Variants in NUDT6 observed in about 807,000 individuals in gnomAD.
The protein encoded by NUDT6 is FAD diphosphatase NUDT6.
In NUDT6, 24 loss-of-function variants were observed where a neutral mutation model predicts 36.8. That is an observed-to-expected ratio of 0.65 (90% CI 0.47 to 0.92). NUDT6 has a LOEUF of 0.92. Among genes scored for constraint, NUDT6 ranks in the 40% least tolerant of loss-of-function variants. NUDT6 has a pLI of 0.00. For missense variants in NUDT6, 388 were observed against 392.8 expected (o/e 0.99, Z 0.10); for synonymous variants, 163 against 157.0 (o/e 1.04, Z -0.29).
At chr4:122,908,108 A>C (rs538358642) in intron 3 of NUDT6, among the ~76,000 whole-genome samples, 36 of 108,116 alleles carry the variant, frequency 3.3e-4, no homozygotes, top group South Asian at 5.0e-4. Flanking sequence ...AGGGGACCCC[A>C]AAAAAATCTT....
chr4:122,918,928 T>C (rs566229390), intron 1 of NUDT6: 2 of 152,362 alleles, frequency 1.3e-5, no homozygotes, highest in South Asian at 2.1e-4. Flanking sequence ...TTTAACATTA[T>C]AGAACATTTC....
At chr4:122,899,217 A>T (rs995625173) in intron 3 of NUDT6, among the ~76,000 whole-genome samples, 2 of 151,560 alleles carry the variant, frequency 1.3e-5, no homozygotes, top group Admixed American at 6.6e-5. Flanking sequence ...GTTATAATGG[A>T]GCAGACCAAT....
At chr4:122,906,753 A>C (rs62323467) in intron 3 of NUDT6, among the ~76,000 whole-genome samples, 24,283 of 152,164 alleles carry the variant, frequency 0.16, 2,436 homozygotes, top group East Asian at 0.45. Flanking sequence ...AGGAGGCCAC[A>C]CAAGACACAG....
intron 2 of NUDT6, among the ~76,000 whole-genome samples, chr4:122,915,459 G>T (rs1430748855): frequency 9.9e-6 from 1 of 100,706 alleles, no homozygotes; most frequent in African/African-American, 4.6e-5. Context: ...GACAAAGTGA[G>T]ACCCTGCCTC....
At chr4:122,916,390 C>T (rs12500055) in intron 2 of NUDT6, among the ~76,000 whole-genome samples, 1 of 151,860 alleles carries the variant, frequency 6.6e-6, no homozygotes, top group African/African-American at 2.4e-5. Flanking sequence ...CTGTTTGGCA[C>T]AATAATGTAA....
intron 2 of NUDT6, among the ~76,000 whole-genome samples, chr4:122,913,736 T>G (rs1727775564): frequency 6.6e-6 from 1 of 150,890 alleles, no homozygotes; most frequent in African/African-American, 2.5e-5. Context: ...CATTTTTTTT[T>G]GTTTATTCAT....
At chr4:122,894,628 C>G (rs1400640518) in intron 4 of NUDT6, 1 of 152,082 alleles carries the variant, frequency 6.6e-6, no homozygotes, top group African/African-American at 2.4e-5. Context: ...GTAATTTTTA[C>G]TCTGATGTGC....
intron 3 of NUDT6, among the ~76,000 whole-genome samples, chr4:122,911,776 G>A (rs1402292458): frequency 1.3e-5 from 2 of 152,074 alleles, no homozygotes; most frequent in African/African-American, 2.4e-5. Context: ...TCTGACTCCT[G>A]AGCATGAAAA....
At chr4:122,898,840 T>C (rs778067455) in intron 3 of NUDT6, among the ~76,000 whole-genome samples, 10 of 152,188 alleles carry the variant, frequency 6.6e-5, no homozygotes, top group Non-Finnish European at 1.5e-4. Flanking sequence ...CCAGAAACTA[T>C]GCAGTCTTTG....
intron 1 of NUDT6, 98 bp downstream of exon 1, chr4:122,922,237 C>A (rs911502956): frequency 2.0e-6 from 2 of 1,023,018 alleles, no homozygotes; most frequent in Admixed American, 6.1e-5. Flanking sequence ...CCTCTGGGCT[C>A]GACAGTGGTG....
At chr4:122,922,201 C>T (rs1728052181) in intron 1 of NUDT6, 134 bp downstream of exon 1, 2 of 687,522 alleles carry the variant, frequency 2.9e-6, no homozygotes, top group Non-Finnish European at 2.3e-6. Flanking sequence ...AAAACAGGTC[C>T]AGGTCACGCG....
intron 3 of NUDT6, among the ~76,000 whole-genome samples, chr4:122,904,438 GT>G (rs1164451777): frequency 2.0e-5 from 3 of 151,554 alleles, no homozygotes; most frequent in Non-Finnish European, 4.4e-5. Context: ...TAGATGAAAA[GT>G]TTTCTTCCCC....
At chr4:122,914,194 G>A (rs72919872) in intron 2 of NUDT6, among the ~76,000 whole-genome samples, 6,754 of 152,256 alleles carry the variant, frequency 0.044, 487 homozygotes, top group African/African-American at 0.15. Context: ...GAATAAATAT[G>A]TGTAACATGG....
chr4:122,913,574 T>C (rs1048760100), intron 2 of NUDT6, among the ~76,000 whole-genome samples: 1 of 152,256 alleles, frequency 6.6e-6, no homozygotes, highest in Non-Finnish European at 1.5e-5. Context: ...CTGTGCCCCC[T>C]GATGATCCAA....
Position 122,922,467 on chromosome 4 carries a change from C to A in NUDT6, c.106G>T (p.Val36Leu). Reference protein sequence around the residue: ...YRWASGAQGYVRNPPVGACDL... With the variant: ...YRWASGAQGYLRNPPVGACDL... ...CACGCTCCAACTGGCGGATTCCGCA[C>A]GTAACCCTGTGCGCCCGAGGCCCAG... The change falls in exon 1 of 5, where the codon GTG becomes TTG. Residue 36 changes from valine to leucine, a missense_variant. By Grantham distance (32) the Val-to-Leu change is conservative (BLOSUM62 1). Coordinates refer to ENST00000304430, the MANE Select transcript of NUDT6 (RefSeq NM_007083.5). The A allele has an allele frequency of 1.2e-6, 2 of 1,612,028 alleles. No homozygotes were observed. Among genetic ancestry groups the A allele is most frequent in the Non-Finnish European group, 1.7e-6 (2 of 1,179,846 alleles).
chr4:122,921,610 A>ACAAACAAAC (rs1490361760), intron 1 of NUDT6: 1 of 130,468 alleles, frequency 7.7e-6, no homozygotes, highest in African/African-American at 2.9e-5. Context: ...AAAAAAAAAA[A>ACAAACAAAC]AAAAAAAACA....
intron 3 of NUDT6, chr4:122,897,884 C>T (rs1444796894): frequency 1.8e-6 from 1 of 554,184 alleles, no homozygotes. Context: ...TCTTTTCCCA[C>T]CTTTTCTCTT....
intron 1 of NUDT6, chr4:122,918,843 G>A (rs1210837994): frequency 6.6e-6 from 1 of 152,166 alleles, no homozygotes; most frequent in African/African-American, 2.4e-5. Context: ...TTGAGGTAAA[G>A]TACATAAAGT....
chr4:122,920,190 T>C (rs1401200616), intron 1 of NUDT6: 1 of 152,200 alleles, frequency 6.6e-6, no homozygotes, highest in Non-Finnish European at 1.5e-5. Context: ...AGTCTCTCTT[T>C]ATAGGCACTA....
Sources: gnomAD v4.1 joint callset for allele counts (sites outside exome capture counted in the v4.1 genomes callset) on GRCh38, gnomAD v4.1.1 for gene constraint, MANE v1.5 for transcripts, NCBI Gene and HGNC (gene_info 2026-07-23, HGNC 2026-07-21) for gene names.